The following CORIN variants were observed in gnomAD, a reference collection of about 807,000 sequenced individuals.
CORIN encodes the protein atrial natriuretic peptide-converting enzyme.
CORIN carries 117 observed loss-of-function variants against 125.3 expected under a neutral mutation model. The ratio of observed to expected loss-of-function variants is 0.93; its 90% CI spans 0.80 to 1.09. The LOEUF is 1.09. Among genes scored for constraint, CORIN ranks in the 50% least tolerant of loss-of-function variants. CORIN has a pLI of 0.00. For missense variants in CORIN, 1,253 were observed against 1,306.7 expected, an observed-to-expected ratio of 0.96 and a Z score of 0.63; for synonymous variants, 450 against 466.4, an observed-to-expected ratio of 0.96 and a Z score of 0.45.
intron 2 of CORIN, among the ~76,000 whole-genome samples, chr4:47,797,000 TC>T (rs1394977412): frequency 6.6e-6 from 1 of 151,920 alleles, no homozygotes; most frequent in African/African-American, 2.4e-5. Context: ...CATGCCTTCT[TC>T]CCTCACTGTG....
At chr4:47,618,538 G>A (rs1166157886) in intron 19 of CORIN, among the ~76,000 whole-genome samples, 2 of 151,796 alleles carry the variant, frequency 1.3e-5, no homozygotes, top group Non-Finnish European at 2.9e-5. Context: ...AGGAGGCGAG[G>A]GCTGGGCGCA....
intron 4 of CORIN, among the ~76,000 whole-genome samples, chr4:47,749,448 A>C (rs1728805087): frequency 6.6e-6 from 1 of 152,168 alleles, no homozygotes; most frequent in African/African-American, 2.4e-5. Flanking sequence ...CAAAGCCTTT[A>C]AGGAACTGAA....
At chr4:47,705,682 T>C (rs61762894) in intron 5 of CORIN, among the ~76,000 whole-genome samples, 11 of 152,230 alleles carry the variant, frequency 7.2e-5, no homozygotes, top group African/African-American at 1.2e-4. Context: ...AAATGAAAAA[T>C]ACGTAGCCTG....
chr4:47,750,035 T>C (rs531494926), intron 4 of CORIN, among the ~76,000 whole-genome samples: 4 of 152,316 alleles, frequency 2.6e-5, no homozygotes, highest in African/African-American at 9.6e-5. Context: ...TCTGACCTCC[T>C]TGCACAATCT....
At chr4:47,736,985 G>T (rs562233497) in intron 5 of CORIN, among the ~76,000 whole-genome samples, 1 of 152,314 alleles carries the variant, frequency 6.6e-6, no homozygotes, top group African/African-American at 2.4e-5. Flanking sequence ...TGCCACAGAG[G>T]GCAGGAGCCT....
chr4:47,603,420 C>A lies in CORIN; in HGVS notation c.2789G>T (p.Gly930Val). Residue 930 changes from glycine (G) to valine (V), a missense_variant, in exon 20 of 22, where the codon GGC becomes GTC. Gly to Val is a moderately radical substitution (Grantham distance 109). Transcript: ENST00000273857. Reference protein sequence around the residue: ...LEPDTYCYITGWGHMGNKMPF... With the variant: ...LEPDTYCYITVWGHMGNKMPF... ...ACTTTTATTGCCCATGTGGCCCCAG[C>A]CTGTGATATAGCAGTACGTGTCAGG... 1 of 1,614,128 alleles carries A rather than the reference C, an allele frequency of 6.2e-7. No individual in the cohort carries two copies. Among genetic ancestry groups the A allele is most frequent in the Non-Finnish European group, 8.5e-7 (1 of 1,180,030 alleles).
intron 3 of CORIN, among the ~76,000 whole-genome samples, chr4:47,771,894 T>G (rs574110810): frequency 1.3e-5 from 2 of 152,358 alleles, no homozygotes; most frequent in Non-Finnish European, 2.9e-5. Flanking sequence ...AATATGTAAG[T>G]ATTTTGTGCA....
chr4:47,825,763 T>C (rs1732720544), intron 1 of CORIN, among the ~76,000 whole-genome samples: 1 of 150,236 alleles, frequency 6.7e-6, no homozygotes, highest in South Asian at 2.1e-4. Flanking sequence ...TGCAGTGGCG[T>C]GATCTCGGCT....
intron 5 of CORIN, among the ~76,000 whole-genome samples, chr4:47,703,431 C>A (rs1261522306): frequency 6.6e-6 from 1 of 152,116 alleles, no homozygotes; most frequent in African/African-American, 2.4e-5. Context: ...ACCCTGATAT[C>A]CACACTAATA....
chr4:47,630,656 A>G (rs1362586497), intron 16 of CORIN, among the ~76,000 whole-genome samples: 1 of 152,212 alleles, frequency 6.6e-6, no homozygotes, highest in African/African-American at 2.4e-5. Flanking sequence ...TAGAAGTTAT[A>G]AATCAAGTTA....
At position 47,678,040 on chromosome 4, in the gene CORIN, C is replaced by A. The variant is rs1341108737; in HGVS notation, c.1147G>T (p.Gly383Cys). 10 of 1,613,380 alleles carry A rather than the reference C, an allele frequency of 6.2e-6. No homozygotes were observed. Among genetic ancestry groups the A allele is most frequent in the Admixed American group, 1.7e-5 (1 of 59,992 alleles). Residue 383 changes from glycine to cysteine, a missense_variant, in exon 9 of 22, where the codon GGT becomes TGT. By Grantham distance (159) the Gly-to-Cys change is radical. Transcript: ENST00000273857. ...TGTCCATTTCTGCATTCCACCAGAC[C>A]CTGGCTGTGACAGGCTAGGAAGGAC... ...DEVNCSCHSQ[G>C]LVECRNGQCI...
rs139083408 is a variant in CORIN, at chr4:47,797,722, T to C, written c.208+9181A>G. Among the ~76,000 whole-genome samples the C allele has an allele frequency of 6.7e-3, 1,021 of 152,160 alleles. 13 individuals carry two copies. Among genetic ancestry groups the C allele is most frequent in the African/African-American group, 0.022 (917 of 41,570 alleles). ...CTGATGATAATTATTCATAATCAAA[T>C]AAAACAAATTCTTTACTACTATAAT... On this transcript the variant is annotated intron_variant, in intron 2 of 21. Coordinates refer to ENST00000273857, the MANE Select transcript of CORIN (RefSeq NM_006587.4).
intron 14 of CORIN, among the ~76,000 whole-genome samples, chr4:47,643,726 T>A (rs573693074): frequency 6.6e-6 from 1 of 152,312 alleles, no homozygotes; most frequent in African/African-American, 2.4e-5. Flanking sequence ...TTAAAAATTA[T>A]AGTAAATCTC....
chr4:47,605,143 C>A (rs1721602401), intron 19 of CORIN, among the ~76,000 whole-genome samples: 1 of 152,176 alleles, frequency 6.6e-6, no homozygotes, highest in African/African-American at 2.4e-5. Context: ...CCCAGCCAAC[C>A]TGTCTCACCC....
chr4:47,605,981 T>C (rs753597689), intron 19 of CORIN, among the ~76,000 whole-genome samples: 2 of 152,196 alleles, frequency 1.3e-5, no homozygotes, highest in African/African-American at 4.8e-5. Context: ...TATATAGTCA[T>C]GCATGTTGTC....
chr4:47,794,758 C>A (rs972509381), intron 2 of CORIN, among the ~76,000 whole-genome samples: 21 of 152,120 alleles, frequency 1.4e-4, no homozygotes, highest in African/African-American at 5.1e-4. Context: ...TCAGCTGTAA[C>A]CCTTTCTCCA....
intron 16 of CORIN, among the ~76,000 whole-genome samples, chr4:47,628,993 T>A (rs1266234174): frequency 6.6e-6 from 1 of 152,180 alleles, no homozygotes; most frequent in Non-Finnish European, 1.5e-5. Flanking sequence ...TGAAGAGTGC[T>A]GCAATTAACA....
intron 2 of CORIN, among the ~76,000 whole-genome samples, chr4:47,805,148 A>AAT (rs1553919340): frequency 0.012 from 1,553 of 129,044 alleles, 20 homozygotes; most frequent in East Asian, 0.053. Context: ...AAAAAAAAAA[A>AAT]AATAATAATA....
chr4:47,643,239 C>G lies in CORIN; in HGVS notation c.1975G>C (p.Glu659Gln). The G allele has an allele frequency of 6.3e-7, 1 of 1,597,152 alleles. No homozygotes were observed. The highest frequency in any genetic ancestry group is 8.5e-7 in the Non-Finnish European group (1 of 1,171,560). Residue 659 changes from glutamate (E) to glutamine (Q), a missense_variant, in exon 15 of 22, where the codon GAG becomes CAG. Physicochemically the swap from Glu to Gln is conservative, Grantham distance 29. Coordinates refer to ENST00000273857, the MANE Select transcript of CORIN (RefSeq NM_006587.4). ...EKNCSFCQDD[E>Q]LECANHACVS... ...CACGCATGGTTTGCACATTCCAGCT[C>G]ATCATCTTGGCAAAATGCTGGCATG...
Sources: allele counts gnomAD v4.1 joint callset (sites outside exome capture counted in the v4.1 genomes callset), GRCh38; gene constraint gnomAD v4.1.1; transcripts MANE v1.5; gene names NCBI Gene and HGNC (gene_info 2026-07-23, HGNC 2026-07-21).